Variants in CPE observed in about 807,000 individuals in gnomAD.
CPE encodes the protein carboxypeptidase E.
A neutral mutation model predicts 53.5 loss-of-function variants in CPE; 17 were observed. The ratio of observed to expected loss-of-function variants is 0.32; its 90% CI spans 0.22 to 0.48. CPE has a LOEUF of 0.48. Ranked by LOEUF, CPE falls within the 20% of genes least tolerant of loss-of-function variation. CPE has a pLI of 0.99. For synonymous variants in CPE, 226 were observed against 228.8 expected (o/e 0.99, Z 0.11); for missense variants, 524 against 614.7 (o/e 0.85, Z 1.56).
chr4:165,439,617 A>C (rs72997496), intron 1 of CPE, among the ~76,000 whole-genome samples: 1 of 150,824 alleles, frequency 6.6e-6, no homozygotes, highest in Non-Finnish European at 1.5e-5. Flanking sequence ...TTTCAAACTT[A>C]TATCTCAGTT....
intron 7 of CPE, among the ~76,000 whole-genome samples, chr4:165,494,187 G>A (rs1189826974): frequency 6.6e-6 from 1 of 152,206 alleles, no homozygotes; most frequent in African/African-American, 2.4e-5. Flanking sequence ...CAAGATGTCA[G>A]CCCATGTAGC....
chr4:165,448,675 C>T (rs1358131240), intron 1 of CPE, among the ~76,000 whole-genome samples: 1 of 152,086 alleles, frequency 6.6e-6, no homozygotes, highest in African/African-American at 2.4e-5. Context: ...AGCATTGTCA[C>T]CAGTCCTAAC....
At chr4:165,482,487 A>G (rs1265441850) in intron 4 of CPE, 128 bp downstream of exon 4, 3 of 657,784 alleles carry the variant, frequency 4.6e-6, no homozygotes, top group Admixed American at 2.5e-5. Flanking sequence ...AGAAAGAACT[A>G]TGTTTAACAG....
chr4:165,389,174 G>T lies in CPE; in HGVS notation c.307+9646G>T, dbSNP rs377566771. Among the ~76,000 whole-genome samples, 587 of 152,290 alleles carry T rather than the reference G, an allele frequency of 3.9e-3. 7 individuals carry two copies. The highest frequency in any genetic ancestry group is 0.011 in the African/African-American group (461 of 41,560). On this transcript the variant is annotated intron_variant, in intron 1 of 8. Coordinates refer to ENST00000402744, the MANE Select transcript of CPE (RefSeq NM_001873.4). ...ATAGATATATAATGAATGATACTAT[G>T]TAGCTAAATAGACTGAAATACGATC...
rs546604856 is a variant in CPE at position 165,480,087 on chromosome 4, T to TA, written c.673-2149dup. The stretch of plus-strand genomic sequence containing the variant: ...AATAAATAGAAATAATCTCTAAATA[T>TA]AAAAAACTTCTAGTTTTATTAGTTA... On this transcript the variant is annotated intron_variant, in intron 3 of 8. Transcript: ENST00000402744. Among the ~76,000 whole-genome samples the TA allele has an allele frequency of 7.3e-3, 1,114 of 152,018 alleles. 8 individuals are homozygous for TA. The highest frequency in any genetic ancestry group is 0.012 in the Non-Finnish European group (830 of 67,968).
chr4:165,492,535 G>A (rs1210507321), intron 6 of CPE, among the ~76,000 whole-genome samples: 1 of 152,156 alleles, frequency 6.6e-6, no homozygotes, highest in Non-Finnish European at 1.5e-5. Context: ...CAAGACTCAT[G>A]TTGCAAAAAC....
At position 165,433,212 on chromosome 4, in the gene CPE, A is replaced by G. The variant is rs555012378; in HGVS notation, c.308-31178A>G. Among the ~76,000 whole-genome samples the G allele has an allele frequency of 2.6e-5, 4 of 152,324 alleles. No homozygotes were observed. The South Asian group carries it at 8.3e-4, about 32-fold the overall frequency. On this transcript the variant is annotated intron_variant, in intron 1 of 8. Coordinates refer to ENST00000402744, the MANE Select transcript of CPE (RefSeq NM_001873.4). ...GAGACAGGGAGACAGAGGAATAGAA[A>G]GGTAATGGATTGGTTAAGGACTAAA...
At chr4:165,401,818 A>G (rs2126661700) in intron 1 of CPE, among the ~76,000 whole-genome samples, 1 of 152,312 alleles carries the variant, frequency 6.6e-6, no homozygotes, top group East Asian at 1.9e-4. Context: ...GGGCTTCTGC[A>G]GTCTTGTGAG....
At chr4:165,403,899 G>T (rs1026042524) in intron 1 of CPE, among the ~76,000 whole-genome samples, 2 of 152,086 alleles carry the variant, frequency 1.3e-5, no homozygotes, top group Non-Finnish European at 2.9e-5. Flanking sequence ...TTCACCAGGA[G>T]GGGGAGATGA....
At chr4:165,441,161 C>G (rs1731603534) in intron 1 of CPE, among the ~76,000 whole-genome samples, 1 of 152,142 alleles carries the variant, frequency 6.6e-6, no homozygotes, top group African/African-American at 2.4e-5. Flanking sequence ...GACTGTTTCC[C>G]TGGCAGAATT....
Position 165,464,507 on chromosome 4 carries a change from TTGTCAACCTGA to T in CPE, c.427_437del (p.Val143ProfsTer17). 1 of 1,613,908 alleles carries T rather than the reference TTGTCAACCTGA, an allele frequency of 6.2e-7. No homozygotes were observed. Among genetic ancestry groups the T allele is most frequent in the Non-Finnish European group, 8.5e-7 (1 of 1,179,900 alleles). ...GAATACCAGAAGGGGAACGAGACAA[TTGTCAACCTGA>T]TCCACAGTACCCGCATTCACATCAT... On this transcript the variant is annotated frameshift_variant, in exon 2 of 9. Coordinates refer to ENST00000402744, the MANE Select transcript of CPE (RefSeq NM_001873.4). LOFTEE classifies it high-confidence loss of function.
intron 1 of CPE, among the ~76,000 whole-genome samples, chr4:165,452,662 C>A (rs114667999): frequency 0.011 from 1,670 of 152,262 alleles, 32 homozygotes; most frequent in African/African-American, 0.037. Context: ...CCATAACCCA[C>A]AAATTGTTAA....
chr4:165,443,387 C>G (rs1049936830), intron 1 of CPE, among the ~76,000 whole-genome samples: 13 of 152,180 alleles, frequency 8.5e-5, no homozygotes, highest in Non-Finnish European at 1.5e-5. Context: ...CCCAGTGATT[C>G]TATTGTATTG....
intron 1 of CPE, among the ~76,000 whole-genome samples, chr4:165,395,128 G>A (rs1730742989): frequency 6.6e-6 from 1 of 152,184 alleles, no homozygotes; most frequent in Non-Finnish European, 1.5e-5. Context: ...ATATTAGCAA[G>A]CAAAGTATTC....
intron 1 of CPE, among the ~76,000 whole-genome samples, chr4:165,453,071 C>T (rs935883968): frequency 6.6e-5 from 10 of 151,848 alleles, no homozygotes; most frequent in Admixed American, 5.2e-4. Context: ...GTGATTCTCC[C>T]GCCTCAGCCT....
chr4:165,398,067 A>AC (rs1009869905), intron 1 of CPE, among the ~76,000 whole-genome samples: 4 of 151,362 alleles, frequency 2.6e-5, no homozygotes, highest in Admixed American at 2.0e-4. Flanking sequence ...AAAAAAAAAA[A>AC]AAAACAAAAC....
In CPE at chr4:165,456,953, C is replaced by A. The variant is rs907430074; in HGVS notation, c.308-7437C>A. 3.3e-5 allele frequency among the ~76,000 whole-genome samples: 5 copies of A among 151,934 alleles called. No homozygotes were observed. The South Asian group carries it at 1.0e-3, about 32-fold the overall frequency. ...ACGGAGTTTCACCAGCTTGACCAGG[C>A]TGCTCTTGAACTCCTGACCTCGTGA... On this transcript the variant is annotated intron_variant, in intron 1 of 8. Coordinates refer to ENST00000402744, the MANE Select transcript of CPE (RefSeq NM_001873.4).
intron 1 of CPE, among the ~76,000 whole-genome samples, chr4:165,409,059 TGC>T (rs1418606458): frequency 6.6e-6 from 1 of 152,236 alleles, no homozygotes; most frequent in East Asian, 1.9e-4. Flanking sequence ...GCCACAAGTA[TGC>T]TTAGAGCAGC....
intron 3 of CPE, among the ~76,000 whole-genome samples, chr4:165,478,159 T>C (rs991456472): frequency 2.0e-5 from 3 of 152,198 alleles, no homozygotes; most frequent in Non-Finnish European, 4.4e-5. Flanking sequence ...CATCTAATTA[T>C]AGAACATCAT....
Sources: gnomAD v4.1 joint callset for allele counts (sites outside exome capture counted in the v4.1 genomes callset) on GRCh38, gnomAD v4.1.1 for gene constraint, MANE v1.5 for transcripts, NCBI Gene and HGNC (gene_info 2026-07-23, HGNC 2026-07-21) for gene names.